Variants in LHFPL3 observed in about 807,000 individuals in gnomAD.
LHFPL3 encodes LHFPL tetraspan subfamily member 3, also known as LHFPL tetraspan subfamily member 3 protein.
LHFPL3 carries 5 observed loss-of-function variants against 19.3 expected under a neutral mutation model. That is an observed-to-expected ratio of 0.26 (90% CI 0.14 to 0.54). The LOEUF (loss-of-function observed/expected upper bound fraction) is 0.54, where lower values mean the gene tolerates loss of function less well. LHFPL3 is among the 20% of genes least tolerant of loss of function. The pLI, the probability that LHFPL3 is intolerant of heterozygous loss-of-function variation, is 0.94. For synonymous variants in LHFPL3, 133 were observed against 126.2 expected, an observed-to-expected ratio of 1.05 and a Z score of -0.36; for missense variants, 249 against 307.4, an observed-to-expected ratio of 0.81 and a Z score of 1.42.
chr7:104,738,996 C>A (rs1793881803), intron 2 of LHFPL3: 1 of 152,158 alleles, frequency 6.6e-6, no homozygotes, highest in Admixed American at 6.5e-5. Context: ...TGTATCAAAC[C>A]AGATAGATCC....
At chr7:104,401,153 G>C (rs1449560827) in intron 1 of LHFPL3, among the ~76,000 whole-genome samples, 6 of 152,128 alleles carry the variant, frequency 3.9e-5, no homozygotes, top group African/African-American at 1.4e-4. Context: ...CAAGTAATCA[G>C]TTATATGTGG....
At chr7:104,497,442 A>G (rs1488428868) in intron 1 of LHFPL3, among the ~76,000 whole-genome samples, 1 of 152,058 alleles carries the variant, frequency 6.6e-6, no homozygotes, top group African/African-American at 2.4e-5. Flanking sequence ...GGATATATGC[A>G]GTAAAGGTAG....
chr7:104,767,600 A>T lies in LHFPL3; in HGVS notation c.682+30689A>T, dbSNP rs533337344. Among the ~76,000 whole-genome samples, 3 of 152,284 alleles carry T rather than the reference A, an allele frequency of 2.0e-5. No individual in the cohort carries two copies. In the East Asian group the frequency reaches 5.8e-4, roughly 29 times the overall value. On this transcript the variant is annotated intron_variant, in intron 2 of 2. Transcript: ENST00000424859. ...AGCTTCCTTTCTTATACTGCTTTGT[A>T]TCTCGAAGTACTTTCCTTGAGCCTC... is the stretch of plus-strand genomic sequence containing the variant.
chr7:104,649,589 G>A (rs1049040106), intron 1 of LHFPL3, among the ~76,000 whole-genome samples: 2 of 152,188 alleles, frequency 1.3e-5, no homozygotes, highest in South Asian at 2.1e-4. Flanking sequence ...AGAGGTGGAC[G>A]GGGCCAAACC....
At chr7:104,511,579 T>C (rs1392990635) in intron 1 of LHFPL3, among the ~76,000 whole-genome samples, 1 of 152,150 alleles carries the variant, frequency 6.6e-6, no homozygotes, top group Non-Finnish European at 1.5e-5. Flanking sequence ...TGTCTTTCAG[T>C]GGGTGAATGG....
intron 1 of LHFPL3, among the ~76,000 whole-genome samples, chr7:104,581,768 T>C (rs1790465546): frequency 6.6e-6 from 1 of 152,018 alleles, no homozygotes; most frequent in African/African-American, 2.4e-5. Context: ...TATTTTGGCA[T>C]GTCTGTCAAA....
At chr7:104,835,195 T>TA (rs1185867738) in intron 2 of LHFPL3, among the ~76,000 whole-genome samples, 1 of 151,980 alleles carries the variant, frequency 6.6e-6, no homozygotes, top group Non-Finnish European at 1.5e-5. Context: ...GAATACTGAC[T>TA]ACCTGATTGG....
chr7:104,360,694 C>CGTGTGTGTGT (rs61216282), intron 1 of LHFPL3, among the ~76,000 whole-genome samples: 17 of 144,350 alleles, frequency 1.2e-4, no homozygotes, highest in East Asian at 2.0e-4. Context: ...AAAGTGCTTC[C>CGTGTGTGTGT]GTGTGTGTGT....
chr7:104,593,945 C>T (rs184447207), intron 1 of LHFPL3, among the ~76,000 whole-genome samples: 19 of 152,162 alleles, frequency 1.2e-4, no homozygotes, highest in South Asian at 4.2e-4. Context: ...CGTCTTTGCA[C>T]GTGAAATGGG....
intron 1 of LHFPL3, among the ~76,000 whole-genome samples, chr7:104,664,069 G>C (rs528442386): frequency 6.6e-6 from 1 of 152,162 alleles, no homozygotes; most frequent in African/African-American, 2.4e-5. Context: ...TTAGAAAACT[G>C]ATCATGATAG....
At chr7:104,860,502 T>C (rs900416834) in intron 2 of LHFPL3, among the ~76,000 whole-genome samples, 7 of 152,144 alleles carry the variant, frequency 4.6e-5, no homozygotes, top group African/African-American at 1.7e-4. Flanking sequence ...TTTCCCAGGA[T>C]AGTCCTCCAA....
intron 1 of LHFPL3, among the ~76,000 whole-genome samples, chr7:104,503,877 T>G (rs1399484577): frequency 6.6e-6 from 1 of 152,204 alleles, no homozygotes; most frequent in African/African-American, 2.4e-5. Context: ...GCTGAAGTTT[T>G]TTTCTTAAGT....
chr7:104,828,861 C>G (rs574367858), intron 2 of LHFPL3, among the ~76,000 whole-genome samples: 5 of 144,492 alleles, frequency 3.5e-5, no homozygotes, highest in Admixed American at 6.8e-5. Context: ...ATGGTGAAAC[C>G]CTGTCTCCAC....
intron 1 of LHFPL3, among the ~76,000 whole-genome samples, chr7:104,407,929 T>C (rs1791452344): frequency 6.6e-6 from 1 of 152,218 alleles, no homozygotes; most frequent in African/African-American, 2.4e-5. Flanking sequence ...CAATTCCAAA[T>C]CCAGTGATTT....
chr7:104,532,759 A>G (rs923198098), intron 1 of LHFPL3, among the ~76,000 whole-genome samples: 1 of 152,188 alleles, frequency 6.6e-6, no homozygotes, highest in Admixed American at 6.5e-5. Flanking sequence ...ATACATTACT[A>G]TCACAAAAAT....
chr7:104,571,227 A>C (rs976681989), intron 1 of LHFPL3, among the ~76,000 whole-genome samples: 1 of 152,198 alleles, frequency 6.6e-6, no homozygotes, highest in African/African-American at 2.4e-5. Context: ...TGAAGTATCT[A>C]CTTTAGACTG....
chr7:104,752,956 T>C (rs1794204713), intron 2 of LHFPL3, among the ~76,000 whole-genome samples: 1 of 152,242 alleles, frequency 6.6e-6, no homozygotes, highest in Non-Finnish European at 1.5e-5. Flanking sequence ...GATGAACTGA[T>C]ATTGACACAT....
At chr7:104,373,681 C>G (rs977200963) in intron 1 of LHFPL3, among the ~76,000 whole-genome samples, 14 of 136,056 alleles carry the variant, frequency 1.0e-4, no homozygotes, top group Non-Finnish European at 2.2e-4. Context: ...GGGAAAAACT[C>G]AAAGGCAGGT....
chr7:104,491,728 A>G (rs1313192317), intron 1 of LHFPL3, among the ~76,000 whole-genome samples: 3 of 152,230 alleles, frequency 2.0e-5, no homozygotes, highest in Non-Finnish European at 4.4e-5. Context: ...TTATAAAAGC[A>G]CAGAATTATA....
Sources: gnomAD v4.1 joint callset for allele counts (sites outside exome capture counted in the v4.1 genomes callset) on GRCh38, gnomAD v4.1.1 for gene constraint, MANE v1.5 for transcripts, NCBI Gene and HGNC (gene_info 2026-07-23, HGNC 2026-07-21) for gene names.